BAHCC1: variants seen among roughly 807,000 people sequenced by gnomAD.
BAHCC1 encodes the protein BAH and coiled-coil domain-containing protein 1.
BAHCC1 carries 43 observed loss-of-function variants against 88.2 expected under a neutral mutation model. The observed-to-expected ratio is 0.49, with a 90% CI of 0.38 to 0.63. The LOEUF (loss-of-function observed/expected upper bound fraction) is 0.63. BAHCC1 is among the 20% of genes least tolerant of loss of function. The pLI is 0.00. For synonymous variants in BAHCC1, 1,510 were observed against 745.5 expected (o/e 2.03, Z -16.71); for missense variants, 3,023 against 1,654.8 (o/e 1.83, Z -14.34).
In BAHCC1 at chr17:81,445,545, A is replaced by G; in HGVS notation, c.3027A>G (p.Pro1009=). The G allele has an allele frequency of 1.4e-6, 1 of 714,972 alleles. No individual in the cohort carries two copies. Among genetic ancestry groups the G allele is most frequent in the South Asian group, 1.5e-5 (1 of 67,530 alleles). 44.3% of individuals were successfully genotyped at this position (714,972 alleles called of 1,614,324 possible). ...PKPPASSPTP[P]PRPSAPCTLN... is the part of the protein sequence containing the mutation. ...CCCCCGCCAGCTCCCCCACCCCACC[A>G]CCTCGGCCCAGCGCCCCGTGCACTT... Residue 1009 remains proline, a synonymous_variant, in exon 10 of 28, where the codon CCA becomes CCG. Transcript: ENST00000675386.
At position 81,459,055 on chromosome 17, in the gene BAHCC1, G is replaced by C; in HGVS notation, c.5607G>C (p.Ala1869=). The C allele has an allele frequency of 1.3e-6, 1 of 755,764 alleles. No homozygotes were observed. The highest frequency in any genetic ancestry group is 1.4e-5 in the South Asian group (1 of 71,606). 46.8% of individuals were successfully genotyped at this position (755,764 alleles called of 1,614,324 possible). A position where few individuals can be genotyped will look rare whatever the true frequency, so the allele number is the denominator to read the frequency against. Residue 1869 remains alanine, a splice_region_variant and synonymous_variant, in exon 21 of 28, where the codon GCG becomes GCC. Transcript: ENST00000675386. ...PLSAEQSAAL[A]RSCAIHKEDL... ...GCCGCTGACACCTTGTGCCCACAGC[G>C]CGCTCGTGTGCCATCCACAAGGAGG...
At chr17:81,446,089 G>A (rs2064521600) in intron 10 of BAHCC1, among the ~76,000 whole-genome samples, 1 of 151,992 alleles carries the variant, frequency 6.6e-6, no homozygotes, top group Non-Finnish European at 1.5e-5. Flanking sequence ...GGGGTGCCTG[G>A]GTGGGGGGGT....
chr17:81,440,402 G>A (rs1191640665), intron 4 of BAHCC1, among the ~76,000 whole-genome samples: 2 of 152,226 alleles, frequency 1.3e-5, no homozygotes, highest in African/African-American at 4.8e-5. Flanking sequence ...ATTAGGTTTC[G>A]CTGGGGCTAG....
In BAHCC1 at chr17:81,411,271, C is replaced by A; in HGVS notation, c.178+11354C>A. On this transcript the variant is annotated intron_variant, in intron 2 of 27. Transcript: ENST00000675386. The surrounding 1 kb of genome is among the most constrained non-coding windows in gnomAD (Gnocchi z 6.2). ...GTTGAGCAGCTCCCCTTCTCGGCAG[C>A]TCCCAAACCCTGACCCCAGACAGGC... The A allele has an allele frequency of 2.1e-6, 1 of 466,106 alleles. No individual in the cohort carries two copies. The highest frequency in any genetic ancestry group is 4.3e-6 in the Non-Finnish European group (1 of 233,160). The allele number at this position is 466,106 out of a possible 1,614,324, so 28.9% of individuals were successfully genotyped here. A position where few individuals can be genotyped will look rare whatever the true frequency, so the allele number is the denominator to read the frequency against.
rs555426689 is a variant in BAHCC1, at chr17:81,458,217, G to A, written c.5094G>A (p.Ser1698=). 30 of 731,962 alleles carry A rather than the reference G, an allele frequency of 4.1e-5. No individual in the cohort carries two copies. Among genetic ancestry groups the A allele is most frequent in the Admixed American group, 1.2e-4 (6 of 51,890 alleles). The allele number at this position is 731,962 out of a possible 1,614,324, so 45.3% of individuals were successfully genotyped here. A position where few individuals can be genotyped will look rare whatever the true frequency, so the allele number is the denominator to read the frequency against. Residue 1698 remains serine, a synonymous_variant, in exon 18 of 28, where the codon TCG becomes TCA. Transcript: ENST00000675386. The stretch of plus-strand genomic sequence containing the variant: ...GTGAGGTCAAGATCAAGAGGCGGTC[G>A]GTGAAGGCCAAGGTGGGCACCACCC... The part of the protein sequence containing the change: ...PESEVKIKRR[S]VKAKVGTTLE...
At chr17:81,402,064 C>G (rs1357490139) in intron 2 of BAHCC1, 1 of 152,404 alleles carries the variant, frequency 6.6e-6, no homozygotes, top group Non-Finnish European at 1.5e-5. Flanking sequence ...CTCCCTGCTT[C>G]TTCTTGATCC....
rs1383334070 is a variant in BAHCC1 at position 81,458,737 on chromosome 17, C to G, written c.5448+12C>G. On this transcript the variant is annotated intron_variant, in intron 19 of 27. Coordinates refer to ENST00000675386, the MANE Select transcript of BAHCC1 (RefSeq NM_001377448.1). ...AGGCCGGCAAGCAGGTAGCAGCCCC[C>G]CACTCTGGGAGCCCACTGTGCACCC... The G allele has an allele frequency of 2.7e-6, 2 of 738,752 alleles. No individual in the cohort carries two copies. Among genetic ancestry groups the G allele is most frequent in the Non-Finnish European group, 5.0e-6 (2 of 397,508 alleles). 45.8% of individuals were successfully genotyped at this position (738,752 alleles called of 1,614,324 possible).
intron 2 of BAHCC1, among the ~76,000 whole-genome samples, chr17:81,423,087 C>A (rs555051763): frequency 9.9e-5 from 15 of 152,218 alleles, no homozygotes; most frequent in Admixed American, 9.1e-4. Context: ...CACCCCCTGC[C>A]CTGGGCCTGG....
rs537763393 is a variant in BAHCC1 at position 81,460,986 on chromosome 17, C to T, written c.6323C>T (p.Ala2108Val). Reference sequence around the variant, plus strand: ...GCGGTGGCGCAGACCAAGCGGAAGGCGGTGGCAGCGGCCAGCAAGGGGCCG... The same window carrying T: ...GCGGTGGCGCAGACCAAGCGGAAGGTGGTGGCAGCGGCCAGCAAGGGGCCG... ...WSAVAQTKRK[A>V]VAAASKGPGV... Residue 2108 changes from alanine (A) to valine (V), a missense_variant, in exon 26 of 28, where the codon GCG becomes GTG. By Grantham distance (64) the Ala-to-Val change is moderately conservative. Transcript: ENST00000675386. 1.2e-5 allele frequency: 9 copies of T among 772,810 alleles called. No homozygotes were observed. The highest frequency in any genetic ancestry group is 8.1e-5 in the South Asian group (6 of 74,508). 47.9% of individuals were successfully genotyped at this position (772,810 alleles called of 1,614,324 possible). A position where few individuals can be genotyped will look rare whatever the true frequency, so the allele number is the denominator to read the frequency against.
At position 81,434,924 on chromosome 17, in the gene BAHCC1, G is replaced by A. The variant is rs1330719893; in HGVS notation, c.359-3446G>A. Among the ~76,000 whole-genome samples the A allele has an allele frequency of 6.6e-6, 1 of 152,060 alleles. No homozygotes were observed. The highest frequency in any genetic ancestry group is 2.4e-5 in the African/African-American group (1 of 41,398). On this transcript the variant is annotated intron_variant, in intron 3 of 27. Transcript: ENST00000675386. The surrounding 1 kb of genome is among the most constrained non-coding windows in gnomAD (Gnocchi z 4.9). ...GGGTGCCCGTCAGGCAGCCAGGGCT[G>A]GTGCACCCTGGGTGGGGGCTCCTCC...
intron 4 of BAHCC1, among the ~76,000 whole-genome samples, chr17:81,439,729 A>AGAAAGGCCCC (rs1469267384): frequency 6.6e-6 from 1 of 151,746 alleles, no homozygotes; most frequent in Non-Finnish European, 1.5e-5. Context: ...GGAGAGGCCC[A>AGAAAGGCCCC]GAAAGGCCCC....
Position 81,451,780 on chromosome 17 carries a change from G to A in BAHCC1, c.4089G>A (p.Pro1363=), listed in dbSNP as rs369128825. The A allele has an allele frequency of 1.2e-5, 9 of 767,190 alleles. No individual in the cohort carries two copies. The highest frequency in any genetic ancestry group is 4.6e-4 in the Middle Eastern group (2 of 4,348). 47.5% of individuals were successfully genotyped at this position (767,190 alleles called of 1,614,324 possible). Residue 1363 remains proline, a synonymous_variant, in exon 12 of 28, where the codon CCG becomes CCA. Transcript: ENST00000675386. ...GLDSSTAPAQ[P]PTANPCSGPR... is the part of the protein sequence containing the mutation. ...ACAGCTCCACTGCCCCAGCGCAGCC[G>A]CCCACAGCCAACCCCTGCAGCGGCC...
In BAHCC1 at chr17:81,461,541, CGGACGA is replaced by C. The variant is rs782052641; in HGVS notation, c.6890_6895del (p.Glu2297_Asp2298del). ...GACAGCGACTGCCACAGCTCCTTCT[CGGACGA>C]GGACGAGGACGGGCCGGGGCTGGCG... On this transcript the variant is annotated inframe_deletion, in exon 26 of 28. Transcript: ENST00000675386. 29 of 729,584 alleles carry C rather than the reference CGGACGA, an allele frequency of 4.0e-5. No homozygotes were observed. The highest frequency in any genetic ancestry group is 2.3e-4 in the Middle Eastern group (1 of 4,384). 45.2% of individuals were successfully genotyped at this position (729,584 alleles called of 1,614,324 possible). A position where few individuals can be genotyped will look rare whatever the true frequency, so the allele number is the denominator to read the frequency against.
chr17:81,458,759 A>ACCCACCTGCAC, intron 19 of BAHCC1, 34 bp downstream of exon 19: 1 of 745,376 alleles, frequency 1.3e-6, no homozygotes, highest in Non-Finnish European at 2.5e-6. Context: ...CCCACTGTGC[A>ACCCACCTGCAC]CCCACCTGCA....
chr17:81,463,425 C>T (rs148587978), intron 27 of BAHCC1, among the ~76,000 whole-genome samples, 186 bp from the exon 28 acceptor site: 16 of 152,328 alleles, frequency 1.1e-4, no homozygotes, highest in African/African-American at 3.4e-4. Flanking sequence ...GCAGGTTCCT[C>T]GGCCTCTGGA....
At chr17:81,405,580 G>A (rs1294647566) in intron 2 of BAHCC1, among the ~76,000 whole-genome samples, 8 of 152,096 alleles carry the variant, frequency 5.3e-5, no homozygotes, top group African/African-American at 1.9e-4. Flanking sequence ...CTAGCTCCAG[G>A]GTCTGAGCCC....
intron 2 of BAHCC1, chr17:81,406,960 G>C: frequency 2.2e-6 from 1 of 456,308 alleles, no homozygotes; most frequent in Non-Finnish European, 4.4e-6. Context: ...ATTCTGACCT[G>C]CTGTGGCGAG....
rs188258985 is a variant in BAHCC1 at position 81,465,492 on chromosome 17, G to A, written c.*1675G>A. On this transcript the variant is annotated 3_prime_UTR_variant, in exon 28 of 28. Transcript: ENST00000675386. ...ACAGCCTTCAGCCTCAGAAACGCATGGGGGGCCACACACTCCTTATATCCT... is the reference window on the plus strand; with the variant it reads ...ACAGCCTTCAGCCTCAGAAACGCATAGGGGGCCACACACTCCTTATATCCT... The A allele has an allele frequency of 6.6e-6, 1 of 152,304 alleles. No homozygotes were observed. The allele number at this position is 152,304 out of a possible 1,614,324, so 9.4% of individuals were successfully genotyped here.
Position 81,399,993 on chromosome 17 carries a change from G to T in BAHCC1, c.178+76G>T. On this transcript the variant is annotated intron_variant, in intron 2 of 27. Coordinates refer to ENST00000675386, the MANE Select transcript of BAHCC1 (RefSeq NM_001377448.1). The surrounding 1 kb of genome is among the most constrained non-coding windows in gnomAD (Gnocchi z 4.5). ...CAGGGCGCCCACCCCTCCGCTCCCGGGAGCAGAGAAGCTTTGGTTTCATTT... is the reference window on the plus strand; with the variant it reads ...CAGGGCGCCCACCCCTCCGCTCCCGTGAGCAGAGAAGCTTTGGTTTCATTT... 1 of 1,181,528 alleles carries T rather than the reference G, an allele frequency of 8.5e-7. No individual in the cohort carries two copies. 73.2% of individuals were successfully genotyped at this position (1,181,528 alleles called of 1,614,324 possible).
Sources: gnomAD v4.1 joint callset for allele counts (sites outside exome capture counted in the v4.1 genomes callset) on GRCh38, gnomAD v4.1.1 for gene constraint, Gnocchi (gnomAD v3.1) non-coding constraint, MANE v1.5 for transcripts, NCBI Gene and HGNC (gene_info 2026-07-23, HGNC 2026-07-21) for gene names.